Variants in SEMA4D observed in about 807,000 individuals in gnomAD.
SEMA4D encodes semaphorin-4D.
Under a neutral mutation model 74.8 loss-of-function variants are expected in SEMA4D, and 22 were observed. That is an observed-to-expected ratio of 0.29 (90% CI 0.21 to 0.42). The LOEUF is 0.42. Ranked by LOEUF, SEMA4D falls within the 10% of genes least tolerant of loss-of-function variation. SEMA4D has a pLI of 1.00. For synonymous variants in SEMA4D, 445 were observed against 463.7 expected, an observed-to-expected ratio of 0.96 and a Z score of 0.52; for missense variants, 937 against 1,118.4, an observed-to-expected ratio of 0.84 and a Z score of 2.31.
chr9:89,462,104 G>A (rs1056600198), intron 1 of SEMA4D, among the ~76,000 whole-genome samples: 4 of 152,170 alleles, frequency 2.6e-5, no homozygotes, highest in African/African-American at 9.7e-5. Context: ...GGGTTAAGAA[G>A]GGAAATTCTC....
At chr9:89,426,400 GAGTCAACAGGGAACCT>G (rs1030873950) in intron 2 of SEMA4D, among the ~76,000 whole-genome samples, 1 of 152,054 alleles carries the variant, frequency 6.6e-6, no homozygotes, top group African/African-American at 2.4e-5. Context: ...AACCAGAATA[GAGTCAACAGGGAACCT>G]AGTCAACAGG....
chr9:89,398,533 T>G (rs1339276368), intron 5 of SEMA4D, among the ~76,000 whole-genome samples: 1 of 152,194 alleles, frequency 6.6e-6, no homozygotes, highest in Non-Finnish European at 1.5e-5. Context: ...TGAGTGTGTG[T>G]ACCCAAAAAA....
chr9:89,467,549 T>G (rs1201002978), intron 1 of SEMA4D, among the ~76,000 whole-genome samples: 1 of 151,098 alleles, frequency 6.6e-6, no homozygotes, highest in Non-Finnish European at 1.5e-5. Flanking sequence ...TTTTTTTTTT[T>G]GAGACAGAAT....
chr9:89,397,650 A>C (rs1841286399), intron 5 of SEMA4D, among the ~76,000 whole-genome samples: 1 of 152,194 alleles, frequency 6.6e-6, no homozygotes, highest in African/African-American at 2.4e-5. Context: ...ACCCCAACCC[A>C]CCTGCACACC....
intron 2 of SEMA4D, among the ~76,000 whole-genome samples, chr9:89,424,755 T>G (rs2134352030): frequency 6.6e-6 from 1 of 151,816 alleles, no homozygotes; most frequent in South Asian, 2.1e-4. Flanking sequence ...CTGTGAGGCC[T>G]CCACCTGGCT....
At chr9:89,445,678 C>T (rs569180505) in intron 2 of SEMA4D, among the ~76,000 whole-genome samples, 6 of 152,178 alleles carry the variant, frequency 3.9e-5, no homozygotes, top group Non-Finnish European at 8.8e-5. Flanking sequence ...AAGCTGGAGA[C>T]CCTGTGAAGC....
chr9:89,475,613 C>A (rs1415691374), intron 1 of SEMA4D, among the ~76,000 whole-genome samples: 4 of 152,204 alleles, frequency 2.6e-5, no homozygotes, highest in African/African-American at 9.7e-5. Context: ...CCTCTGCATT[C>A]CCCTACTGAT....
chr9:89,386,480 G>C lies in SEMA4D; in HGVS notation c.1333C>G (p.Arg445Gly), dbSNP rs769371855. 1 of 1,611,794 alleles carries C rather than the reference G, an allele frequency of 6.2e-7. No homozygotes were observed. Among genetic ancestry groups the C allele is most frequent in the Non-Finnish European group, 8.5e-7 (1 of 1,178,118 alleles). ...VYDVMFVSTD[R>G]GALHKAISLE... is the part of the protein sequence containing the mutation. The stretch of plus-strand genomic sequence containing the variant: ...CTGATGGCTTTGTGCAGAGCTCCCC[G>C]GTCTGCAGGGCCAAAGCTACAGGTC... The change falls in exon 13 of 16, where the codon CGG becomes GGG. Residue 445 changes from arginine (R) to glycine (G), a missense_variant and splice_region_variant. Transcript: ENST00000422704.
At chr9:89,390,919 T>C (rs966075840) in intron 9 of SEMA4D, among the ~76,000 whole-genome samples, 4 of 152,252 alleles carry the variant, frequency 2.6e-5, no homozygotes, top group Middle Eastern at 3.2e-3. Flanking sequence ...TGTCGGTTAA[T>C]GTTTCACTCT....
At chr9:89,438,307 C>T (rs1850907597) in intron 2 of SEMA4D, among the ~76,000 whole-genome samples, 1 of 152,256 alleles carries the variant, frequency 6.6e-6, no homozygotes, top group Admixed American at 6.5e-5. Context: ...TGGACTTGTG[C>T]TCATGTGGAT....
At chr9:89,459,058 C>T (rs1446307377) in intron 1 of SEMA4D, among the ~76,000 whole-genome samples, 2 of 152,224 alleles carry the variant, frequency 1.3e-5, no homozygotes, top group African/African-American at 2.4e-5. Flanking sequence ...CACCCACTCA[C>T]ACGCTGGGGA....
chr9:89,377,114 C>A, downstream of SEMA4D: 1 of 1,483,582 alleles, frequency 6.7e-7, no homozygotes, highest in Non-Finnish European at 9.0e-7. Context: ...GAGCACGTCA[C>A]AGGCCAGAGA....
intron 8 of SEMA4D, 81 bp from the exon 9 acceptor site, chr9:89,391,496 C>CA: frequency 6.9e-7 from 1 of 1,452,234 alleles, no homozygotes; most frequent in Non-Finnish European, 9.6e-7. Context: ...GGCCGGCCAA[C>CA]ACTACCTTGG....
At chr9:89,419,750 CA>C (rs36110254) in intron 2 of SEMA4D, among the ~76,000 whole-genome samples, 1 of 150,624 alleles carries the variant, frequency 6.6e-6, no homozygotes, top group African/African-American at 2.4e-5. Context: ...CCGTCTCTAT[CA>C]AAAAAAAATA....
intron 13 of SEMA4D, among the ~76,000 whole-genome samples, chr9:89,382,171 G>C (rs1200961439): frequency 6.6e-6 from 1 of 152,202 alleles, no homozygotes; most frequent in Non-Finnish European, 1.5e-5. Flanking sequence ...GACTGCTTTT[G>C]AACGGAACTC....
downstream of SEMA4D, among the ~76,000 whole-genome samples, chr9:89,374,595 CCT>C (rs1272612199): frequency 6.6e-6 from 1 of 152,196 alleles, no homozygotes; most frequent in Non-Finnish European, 1.5e-5. Flanking sequence ...TAACCAATTC[CCT>C]GTGTTAAATG....
Position 89,379,183 on chromosome 9 carries a change from T to C in SEMA4D, c.2110A>G (p.Thr704Ala). The C allele has an allele frequency of 1.2e-6, 2 of 1,613,700 alleles. No individual in the cohort carries two copies. Among genetic ancestry groups the C allele is most frequent in the Non-Finnish European group, 1.7e-6 (2 of 1,179,914 alleles). ...AITLPPKPAP[T>A]GTSCEPKIVI... The stretch of plus-strand genomic sequence containing the variant: ...ATCTTTGGTTCGCAGGATGTGCCGG[T>C]GGGCGCAGGCTTGGGAGGAAGGGTG... Residue 704 changes from threonine (T) to alanine (A), a missense_variant, in exon 16 of 16, where the codon ACC becomes GCC. By Grantham distance (58) the Thr-to-Ala change is moderately conservative. Coordinates refer to ENST00000422704, the MANE Select transcript of SEMA4D (RefSeq NM_001371194.2).
chr9:89,397,299 A>T (rs190184240), intron 5 of SEMA4D, among the ~76,000 whole-genome samples: 112 of 152,328 alleles, frequency 7.4e-4, no homozygotes, highest in African/African-American at 2.6e-3. Context: ...AAGTACGTGG[A>T]CCACTTGTTC....
downstream of SEMA4D, among the ~76,000 whole-genome samples, chr9:89,372,812 T>TA (rs1835296419): frequency 6.6e-6 from 1 of 152,082 alleles, no homozygotes; most frequent in South Asian, 2.1e-4. Context: ...TGCAAAGGCA[T>TA]AGTTCCCACT....
Sources: allele counts gnomAD v4.1 joint callset (sites outside exome capture counted in the v4.1 genomes callset), GRCh38; gene constraint gnomAD v4.1.1; transcripts MANE v1.5; gene names NCBI Gene and HGNC (gene_info 2026-07-23, HGNC 2026-07-21).